The following OR10J1 variants were observed in gnomAD, a reference collection of about 807,000 sequenced individuals.
The protein encoded by OR10J1 is olfactory receptor family 10 subfamily J member 1.
For missense variants in OR10J1, 474 were observed against 376.6 expected (o/e 1.26, Z -2.14); for synonymous variants, 202 against 143.8 (o/e 1.40, Z -2.89).
the OR10J1 span, among the ~76,000 whole-genome samples, chr1:159,409,558 T>C: frequency 6.6e-6 from 1 of 152,092 alleles, no homozygotes; most frequent in Non-Finnish European, 1.5e-5. Context: ...TTCATTTCCA[T>C]TGATTTTATA....
Position 159,439,799 on chromosome 1 carries a change from G to A in OR10J1, c.8G>A (p.Arg3Lys). The A allele has an allele frequency of 2.5e-6, 4 of 1,614,048 alleles. No individual in the cohort carries two copies. In the East Asian group the frequency reaches 6.7e-5, roughly 27 times the overall value. MK[R>K]ENFTLITDFV... ...AGATTTGGGAACCAATCCATGAAAA[G>A]AGAGAACTTTACTCTCATCACTGAC... The change falls in exon 1 of 1, where the codon AGA becomes AAA. Residue 3 changes from arginine (R) to lysine (K), a missense_variant. Arg to Lys is a conservative substitution (Grantham distance 26). Coordinates refer to ENST00000423932, the MANE Select transcript of OR10J1 (RefSeq NM_012351.3).
chr1:159,423,168 C>G, the OR10J1 span, among the ~76,000 whole-genome samples: 2 of 152,136 alleles, frequency 1.3e-5, no homozygotes, highest in South Asian at 4.1e-4. Flanking sequence ...AAGAACATAT[C>G]TCCCTTATAA....
At chr1:159,410,360 T>C in the OR10J1 span, among the ~76,000 whole-genome samples, 1 of 152,168 alleles carries the variant, frequency 6.6e-6, no homozygotes, top group Non-Finnish European at 1.5e-5. Flanking sequence ...CTATTGATTA[T>C]TGCCACAATT....
At chr1:159,437,757 G>C (rs1571157063), upstream of OR10J1, 1 of 152,308 alleles carries the variant, frequency 6.6e-6, no homozygotes, top group African/African-American at 2.4e-5. Flanking sequence ...CAGAAGCCCA[G>C]CTGCCTGATC....
At chr1:159,400,463 A>G in the OR10J1 span, among the ~76,000 whole-genome samples, 3 of 151,634 alleles carry the variant, frequency 2.0e-5, no homozygotes, top group African/African-American at 7.2e-5. Flanking sequence ...GATGAAAACT[A>G]TAAGAAAAGA....
At chr1:159,419,068 C>T in the OR10J1 span, among the ~76,000 whole-genome samples, 1 of 152,184 alleles carries the variant, frequency 6.6e-6, no homozygotes, top group African/African-American at 2.4e-5. Flanking sequence ...AACTAACTTG[C>T]TTTTGATTAT....
At chr1:159,414,576 T>C in the OR10J1 span, among the ~76,000 whole-genome samples, 2 of 151,424 alleles carry the variant, frequency 1.3e-5, no homozygotes, top group Admixed American at 1.3e-4. Flanking sequence ...CTCTTCAATA[T>C]ATTGATTTCC....
the OR10J1 span, among the ~76,000 whole-genome samples, chr1:159,425,567 CAG>C: frequency 6.6e-6 from 1 of 151,610 alleles, no homozygotes; most frequent in Non-Finnish European, 1.5e-5. Context: ...AACTTAATAA[CAG>C]AGTTCAATTA....
At chr1:159,412,793 T>G in the OR10J1 span, among the ~76,000 whole-genome samples, 1 of 151,612 alleles carries the variant, frequency 6.6e-6, no homozygotes, top group East Asian at 1.9e-4. Context: ...ACTTCATGTC[T>G]AAAACACCAA....
At chr1:159,413,878 A>T in the OR10J1 span, among the ~76,000 whole-genome samples, 1 of 121,098 alleles carries the variant, frequency 8.3e-6, no homozygotes, top group Non-Finnish European at 1.9e-5. Flanking sequence ...AAATAAAAAT[A>T]AAAAAATATA....
chr1:159,411,555 A>T, the OR10J1 span, among the ~76,000 whole-genome samples: 1 of 151,962 alleles, frequency 6.6e-6, no homozygotes, highest in Non-Finnish European at 1.5e-5. Flanking sequence ...TGCTTGGTAG[A>T]TCTTCCTCCA....
chr1:159,405,155 G>T, the OR10J1 span, among the ~76,000 whole-genome samples: 3 of 152,084 alleles, frequency 2.0e-5, no homozygotes, highest in Non-Finnish European at 2.9e-5. Context: ...AAAAAAGGTG[G>T]ATCTAAGGGG....
At chr1:159,409,040 T>C in the OR10J1 span, among the ~76,000 whole-genome samples, 4 of 152,224 alleles carry the variant, frequency 2.6e-5, no homozygotes, top group East Asian at 3.9e-4. Flanking sequence ...GAATTTGATA[T>C]GTCCGTCATG....
the OR10J1 span, among the ~76,000 whole-genome samples, chr1:159,401,469 G>A: frequency 6.6e-6 from 1 of 151,924 alleles, no homozygotes; most frequent in Non-Finnish European, 1.5e-5. Context: ...GCTACTATGA[G>A]CAAGTATATG....
upstream of OR10J1, among the ~76,000 whole-genome samples, chr1:159,435,304 C>G (rs1031431955): frequency 1.3e-5 from 2 of 152,150 alleles, no homozygotes; most frequent in Non-Finnish European, 2.9e-5. Context: ...TCCTAGTTGC[C>G]TCAGAGTCAC....
chr1:159,413,384 G>T, the OR10J1 span, among the ~76,000 whole-genome samples: 1 of 151,858 alleles, frequency 6.6e-6, no homozygotes, highest in Non-Finnish European at 1.5e-5. Context: ...AAAGACACAT[G>T]CACACGTATG....
chr1:159,439,919 T>C lies in OR10J1; in HGVS notation c.128T>C (p.Ile43Thr), dbSNP rs1297911349. Reference sequence around the variant, plus strand: ...TACATCTTAACCTTAGCAGGCAATATCATCATTGTGACCATCATCCGAATG... The same window carrying C: ...TACATCTTAACCTTAGCAGGCAATACCATCATTGTGACCATCATCCGAATG... Reference protein sequence around the residue: ...ALYILTLAGNIIIVTIIRMDL... With the variant: ...ALYILTLAGNTIIVTIIRMDL... The change falls in exon 1 of 1, where the codon ATC (isoleucine) becomes ACC (threonine). Residue 43 changes from isoleucine (I) to threonine (T), a missense_variant. By Grantham distance (89) the Ile-to-Thr change is moderately conservative (BLOSUM62 -1). Transcript: ENST00000423932. 3 of 1,613,982 alleles carry C rather than the reference T, an allele frequency of 1.9e-6. No individual in the cohort carries two copies. The highest frequency in any genetic ancestry group is 1.7e-5 in the Admixed American group (1 of 59,988).
chr1:159,436,286 A>C (rs568671943), upstream of OR10J1, among the ~76,000 whole-genome samples: 22 of 152,258 alleles, frequency 1.4e-4, no homozygotes, highest in East Asian at 1.3e-3. Flanking sequence ...TTACAAGAAG[A>C]AGCTATGTAT....
At chr1:159,415,678 GATATGA>G in the OR10J1 span, among the ~76,000 whole-genome samples, 4 of 151,826 alleles carry the variant, frequency 2.6e-5, no homozygotes, top group African/African-American at 9.7e-5. Context: ...TAATTTTAAT[GATATGA>G]ATATGGTAAT....
Sources: gnomAD v4.1 joint callset for allele counts (sites outside exome capture counted in the v4.1 genomes callset) on GRCh38, gnomAD v4.1.1 for gene constraint, MANE v1.5 for transcripts, NCBI Gene and HGNC (gene_info 2026-07-23, HGNC 2026-07-21) for gene names.